The following KCNJ15 variants were observed in gnomAD, a reference collection of about 807,000 sequenced individuals.
The protein encoded by KCNJ15 is potassium inwardly rectifying channel subfamily J member 15, also known as ATP-sensitive inward rectifier potassium channel 15.
KCNJ15 carries 14 observed loss-of-function variants against 23.0 expected under a neutral mutation model. The observed-to-expected ratio is 0.61, with a 90% CI of 0.40 to 0.95. KCNJ15 has a LOEUF of 0.95. KCNJ15 is among the 40% of genes least tolerant of loss of function. The probability of loss-of-function intolerance (pLI) is 0.00; values close to 1 mark genes in which losing one functional copy is unlikely to be tolerated. For missense variants in KCNJ15, 388 were observed against 461.8 expected, an observed-to-expected ratio of 0.84 and a Z score of 1.46; for synonymous variants, 185 against 183.2, an observed-to-expected ratio of 1.01 and a Z score of -0.08.
At chr21:38,252,124 A>T (rs1359780881), upstream of KCNJ15, among the ~76,000 whole-genome samples, 1 of 152,248 alleles carries the variant, frequency 6.6e-6, no homozygotes, top group African/African-American at 2.4e-5. Flanking sequence ...TCTAAACTCC[A>T]TGAGGCTAAG....
chr21:38,267,212 A>G (rs1341426370), intron 1 of KCNJ15: 1 of 152,412 alleles, frequency 6.6e-6, no homozygotes, highest in Non-Finnish European at 1.5e-5. Context: ...TTGTTAGGAA[A>G]CAAAAATCAG....
upstream of KCNJ15, among the ~76,000 whole-genome samples, chr21:38,255,621 C>G (rs1980151579): frequency 6.6e-6 from 1 of 152,102 alleles, no homozygotes; most frequent in African/African-American, 2.4e-5. Flanking sequence ...ACTGGGAAAA[C>G]AGAAATGGAA....
At position 38,268,565 on chromosome 21, in the gene KCNJ15, A is replaced by AG. The variant is rs1555883217; in HGVS notation, c.-117+11380_-117+11381insG. ...CTTAAAATCTGAAAAAAAAAAAAAA[A>AG]AAAAAAAAAAAAGAAAGTGGGAGGA... On this transcript the variant is annotated intron_variant, in intron 1 of 2. Coordinates refer to ENST00000398938, the MANE Select transcript of KCNJ15 (RefSeq NM_170736.3). Among the ~76,000 whole-genome samples the AG allele has an allele frequency of 3.0e-5, 4 of 131,694 alleles. No homozygotes were observed. In the South Asian group the frequency reaches 6.3e-4, roughly 21 times the overall value. The allele number at this position is 131,694 out of a possible 152,430, so 86.4% of individuals were successfully genotyped here.
intron 1 of KCNJ15, among the ~76,000 whole-genome samples, chr21:38,245,908 C>G (rs374545681): frequency 6.6e-6 from 1 of 152,294 alleles, no homozygotes; most frequent in East Asian, 1.9e-4. Flanking sequence ...CTGTCCAGTA[C>G]AGTGATTCAA....
At chr21:38,260,473 C>A (rs567203469) in intron 1 of KCNJ15, among the ~76,000 whole-genome samples, 10 of 152,280 alleles carry the variant, frequency 6.6e-5, no homozygotes, top group African/African-American at 2.4e-4. Flanking sequence ...GAGAAGAGAT[C>A]AATAAGCCAA....
At chr21:38,242,127 G>A (rs566661115) in intron 1 of KCNJ15, among the ~76,000 whole-genome samples, 25 of 152,208 alleles carry the variant, frequency 1.6e-4, no homozygotes, top group African/African-American at 2.2e-4. Context: ...ACACTTCTGG[G>A]CTCTAGTCAC....
At chr21:38,290,050 G>A (rs1378127224) in intron 1 of KCNJ15, among the ~76,000 whole-genome samples, 2 of 152,196 alleles carry the variant, frequency 1.3e-5, no homozygotes, top group Non-Finnish European at 2.9e-5. Context: ...TTGGTCACTC[G>A]TAACAACAGA....
chr21:38,278,019 T>G (rs1297416576), intron 1 of KCNJ15, among the ~76,000 whole-genome samples: 1 of 152,230 alleles, frequency 6.6e-6, no homozygotes, highest in Non-Finnish European at 1.5e-5. Context: ...TTTGCAGGCA[T>G]GATTCCGTCT....
upstream of KCNJ15, among the ~76,000 whole-genome samples, chr21:38,255,918 C>T (rs568655629): frequency 3.9e-5 from 6 of 152,276 alleles, no homozygotes; most frequent in African/African-American, 1.2e-4. Context: ...GGGCAGGGGA[C>T]GTGTGGGTAT....
intron 1 of KCNJ15, among the ~76,000 whole-genome samples, chr21:38,246,972 A>G (rs1979414834): frequency 6.6e-6 from 1 of 152,338 alleles, no homozygotes; most frequent in South Asian, 2.1e-4. Flanking sequence ...GTCATTTAAT[A>G]AAACTAAAAA....
intron 1 of KCNJ15, chr21:38,238,353 G>T: frequency 1.4e-6 from 1 of 718,460 alleles, no homozygotes; most frequent in Non-Finnish European, 2.6e-6. Flanking sequence ...AAGGCAGCCA[G>T]TGGGACAGGA....
intron 1 of KCNJ15, among the ~76,000 whole-genome samples, chr21:38,230,051 A>C (rs943875969): frequency 6.6e-5 from 10 of 152,192 alleles, no homozygotes; most frequent in Admixed American, 6.5e-4. Flanking sequence ...TTGGGTATAT[A>C]ACTAAGAATA....
In KCNJ15 at chr21:38,299,995, G is replaced by C. The variant is rs767690385; in HGVS notation, c.734G>C (p.Ser245Thr). The change falls in exon 3 of 3, where the codon AGC (serine) becomes ACC (threonine). Residue 245 changes from serine to threonine, a missense_variant. Ser to Thr is a moderately conservative substitution (Grantham distance 58). Transcript: ENST00000398938. This position sits in a 1 kb window ranked among gnomAD's most constrained non-coding sequence, Gnocchi z 4.5. ...TTCCACGTGGACTCCTCCTCTGAGAGCCCCTTCCTCATTCTGCCCATGACA... is the reference window on the plus strand; with the variant it reads ...TTCCACGTGGACTCCTCCTCTGAGACCCCCTTCCTCATTCTGCCCATGACA... ...VKFHVDSSSE[S>T]PFLILPMTFY... The C allele has an allele frequency of 2.5e-6, 4 of 1,613,900 alleles. No individual in the cohort carries two copies. In the African/African-American group the frequency reaches 5.3e-5, roughly 22 times the overall value.
chr21:38,273,013 T>G (rs1397240641), intron 1 of KCNJ15, among the ~76,000 whole-genome samples: 1 of 152,232 alleles, frequency 6.6e-6, no homozygotes, highest in Non-Finnish European at 1.5e-5. Flanking sequence ...TTCATTTAGG[T>G]TAGATATACA....
intron 1 of KCNJ15, among the ~76,000 whole-genome samples, chr21:38,275,519 C>CAAAA (rs10709944): frequency 4.5e-5 from 4 of 88,116 alleles, no homozygotes; most frequent in African/African-American, 9.7e-5. Flanking sequence ...GAAACTCCGT[C>CAAAA]AAAAAAAAAA....
chr21:38,289,586 A>C lies in KCNJ15; in HGVS notation c.-116-7340A>C, dbSNP rs567037208. Among the ~76,000 whole-genome samples the C allele has an allele frequency of 2.6e-5, 4 of 152,220 alleles. No homozygotes were observed. The East Asian group carries it at 7.7e-4, about 29-fold the overall frequency. On this transcript the variant is annotated intron_variant, in intron 1 of 2. Coordinates refer to ENST00000398938, the MANE Select transcript of KCNJ15 (RefSeq NM_170736.3). ...CATCTCTACTAAAAATACAAAAATT[A>C]GCTGGGTGTGGTGGTGCACACCTGT...
intron 1 of KCNJ15, among the ~76,000 whole-genome samples, chr21:38,278,587 G>T (rs191681209): frequency 3.3e-5 from 5 of 152,216 alleles, no homozygotes; most frequent in Non-Finnish European, 7.3e-5. Context: ...GGAGACAGAA[G>T]CATAGGCAAT....
chr21:38,299,550 C>T lies in KCNJ15; in HGVS notation c.289C>T (p.Pro97Ser). ...AIAFIHGDLE[P>S]GEPISNHTPC... Reference sequence around the variant, plus strand: ...CGCGTTTATTCATGGGGACTTAGAACCCGGTGAGCCCATTTCAAATCATAC... The same window carrying T: ...CGCGTTTATTCATGGGGACTTAGAATCCGGTGAGCCCATTTCAAATCATAC... Residue 97 changes from proline to serine, a missense_variant, in exon 3 of 3, where the codon CCC (proline) becomes TCC (serine). Physicochemically the swap from Pro to Ser is moderately conservative, Grantham distance 74. Coordinates refer to ENST00000398938, the MANE Select transcript of KCNJ15 (RefSeq NM_170736.3). This position sits in a 1 kb window ranked among gnomAD's most constrained non-coding sequence, Gnocchi z 4.5. 6.2e-7 allele frequency: 1 copy of T among 1,614,090 alleles called. No individual in the cohort carries two copies. The highest frequency in any genetic ancestry group is 8.5e-7 in the Non-Finnish European group (1 of 1,180,002).
chr21:38,298,409 C>T (rs956100142), intron 2 of KCNJ15: 2 of 152,158 alleles, frequency 1.3e-5, no homozygotes, highest in Non-Finnish European at 2.9e-5. Context: ...GGTGCCATAC[C>T]TAAATATCAC....
Sources: allele counts gnomAD v4.1 joint callset (sites outside exome capture counted in the v4.1 genomes callset), GRCh38; gene constraint gnomAD v4.1.1; non-coding constraint Gnocchi (gnomAD v3.1); transcripts MANE v1.5; gene names NCBI Gene and HGNC (gene_info 2026-07-23, HGNC 2026-07-21).